Variants in FNDC3A observed in about 807,000 individuals in gnomAD.
FNDC3A encodes the protein fibronectin type III domain containing 3A, also known as fibronectin type-III domain-containing protein 3A.
A neutral mutation model predicts 148.9 loss-of-function variants in FNDC3A; 32 were observed. That is an observed-to-expected ratio of 0.21 (90% CI 0.16 to 0.29). The LOEUF is 0.29. Ranked by LOEUF, FNDC3A falls within the 10% of genes least tolerant of loss-of-function variation. The pLI is 1.00. For synonymous variants in FNDC3A, 472 were observed against 473.6 expected (o/e 1.00, Z 0.04); for missense variants, 1,191 against 1,452.8 (o/e 0.82, Z 2.93).
In FNDC3A at chr13:49,068,371, AAATT is replaced by A. The variant is rs147226026; in HGVS notation, c.100-6903_100-6900del. Among the ~76,000 whole-genome samples the A allele has an allele frequency of 8.8e-3, 1,332 of 152,114 alleles. 24 individuals carry two copies. Among genetic ancestry groups the A allele is most frequent in the African/African-American group, 0.031 (1,277 of 41,496 alleles). ...AGAGTGAGACCCGTCTATAAAAAAT[AAATT>A]AATTAATTAATTAAATTAAATAAAA... is the stretch of plus-strand genomic sequence containing the variant. On this transcript the variant is annotated intron_variant, in intron 2 of 25. Transcript: ENST00000492622.
chr13:49,065,663 A>G (rs1162392269), intron 2 of FNDC3A, among the ~76,000 whole-genome samples: 1 of 152,206 alleles, frequency 6.6e-6, no homozygotes, highest in African/African-American at 2.4e-5. Context: ...TTCTGTGTGC[A>G]TAATAAACTT....
At chr13:49,194,542 T>A (rs1363386747) in intron 19 of FNDC3A, among the ~76,000 whole-genome samples, 3 of 152,230 alleles carry the variant, frequency 2.0e-5, no homozygotes, top group Non-Finnish European at 4.4e-5. Context: ...CAGGTTTGTT[T>A]GTTTTTTTTC....
At chr13:49,070,881 C>CTTTTTTTTTTTT (rs758290861) in intron 2 of FNDC3A, among the ~76,000 whole-genome samples, 216 of 120,870 alleles carry the variant, frequency 1.8e-3, no homozygotes, top group East Asian at 2.3e-3. Flanking sequence ...AACAGGATTT[C>CTTTTTTTTTTTT]TTTTTTTTTT....
At chr13:49,127,106 TCCTGTCCAGA>T (rs1016855876) in intron 4 of FNDC3A, among the ~76,000 whole-genome samples, 1 of 152,176 alleles carries the variant, frequency 6.6e-6, no homozygotes, top group African/African-American at 2.4e-5. Context: ...ACTTTCCTGC[TCCTGTCCAGA>T]CCCGGTTCCC....
chr13:49,104,273 T>A (rs1184357162), intron 3 of FNDC3A, among the ~76,000 whole-genome samples: 1 of 152,124 alleles, frequency 6.6e-6, no homozygotes, highest in Non-Finnish European at 1.5e-5. Context: ...ATGCCTGTAA[T>A]CCCAGTACTT....
Position 49,105,030 on chromosome 13 carries a change from C to T in FNDC3A, c.176-9625C>T, listed in dbSNP as rs191549899. Among the ~76,000 whole-genome samples, 146 of 152,076 alleles carry T rather than the reference C, an allele frequency of 9.6e-4. 1 individual carries two copies. Among genetic ancestry groups the T allele is most frequent in the African/African-American group, 3.4e-3 (140 of 41,474 alleles). Reference sequence around the variant, plus strand: ...AAACTAGGAAGAGTATATTTGCAACCAATGTAACCGTAAGGAATTAGTATC... The same window carrying T: ...AAACTAGGAAGAGTATATTTGCAACTAATGTAACCGTAAGGAATTAGTATC... On this transcript the variant is annotated intron_variant, in intron 3 of 25. Transcript: ENST00000492622.
chr13:49,180,277 A>T (rs867503455), intron 14 of FNDC3A, among the ~76,000 whole-genome samples: 2 of 152,240 alleles, frequency 1.3e-5, no homozygotes, highest in South Asian at 4.1e-4. Flanking sequence ...CAAATAAATG[A>T]TAAAAGCCAC....
At chr13:49,078,659 A>G (rs940085498) in intron 3 of FNDC3A, among the ~76,000 whole-genome samples, 13 of 152,180 alleles carry the variant, frequency 8.5e-5, no homozygotes, top group African/African-American at 3.1e-4. Flanking sequence ...ACATGCCTTC[A>G]CTCTGAGCAA....
At chr13:49,146,072 T>G (rs1378038101) in intron 8 of FNDC3A, 137 bp downstream of exon 8, 1 of 613,006 alleles carries the variant, frequency 1.6e-6, no homozygotes, top group African/African-American at 1.9e-5. Context: ...GATAGTGATT[T>G]CAATGTAAAT....
chr13:49,015,859 AT>A (rs1365748524), intron 2 of FNDC3A, among the ~76,000 whole-genome samples: 1 of 151,764 alleles, frequency 6.6e-6, no homozygotes. Flanking sequence ...TATTGAGATA[AT>A]CATGTGGTTT....
chr13:48,989,234 A>G (rs1220298221), intron 1 of FNDC3A, among the ~76,000 whole-genome samples: 2 of 152,248 alleles, frequency 1.3e-5, no homozygotes, highest in Admixed American at 6.5e-5. Context: ...ATGTTATAAC[A>G]AATCTCCAGA....
At chr13:48,989,224 A>G (rs748585858) in intron 1 of FNDC3A, among the ~76,000 whole-genome samples, 2 of 152,244 alleles carry the variant, frequency 1.3e-5, no homozygotes, top group African/African-American at 4.8e-5. Context: ...CCTTAGCCAC[A>G]TGTTATAACA....
At chr13:49,003,771 AG>A (rs1030446841) in intron 1 of FNDC3A, among the ~76,000 whole-genome samples, 1 of 152,210 alleles carries the variant, frequency 6.6e-6, no homozygotes, top group African/African-American at 2.4e-5. Flanking sequence ...CCAAAAAAAA[AG>A]TTGCAAGAAT....
intron 3 of FNDC3A, among the ~76,000 whole-genome samples, chr13:49,088,170 T>C (rs1441420111): frequency 2.0e-5 from 3 of 152,184 alleles, no homozygotes; most frequent in African/African-American, 7.2e-5. Flanking sequence ...AAGGAAACAT[T>C]CAATTATAAT....
At chr13:48,998,987 C>G (rs984056254) in intron 1 of FNDC3A, among the ~76,000 whole-genome samples, 1 of 152,196 alleles carries the variant, frequency 6.6e-6, no homozygotes, top group Non-Finnish European at 1.5e-5. Context: ...AAAGGCAATT[C>G]AGAGGTCATC....
At chr13:49,067,296 A>T (rs1245475547) in intron 2 of FNDC3A, among the ~76,000 whole-genome samples, 1 of 152,236 alleles carries the variant, frequency 6.6e-6, no homozygotes, top group African/African-American at 2.4e-5. Context: ...ATCAACTAAT[A>T]ACATTAGAGC....
chr13:49,203,124 G>A (rs368155670), intron 24 of FNDC3A, 33 bp from the exon 25 acceptor site: 1 of 1,438,718 alleles, frequency 7.0e-7, no homozygotes, highest in Non-Finnish European at 9.5e-7. Context: ...AAAATCAAGT[G>A]GAACAGATAT....
intron 11 of FNDC3A, among the ~76,000 whole-genome samples, chr13:49,172,997 T>A (rs1486894075): frequency 6.6e-6 from 1 of 152,226 alleles, no homozygotes; most frequent in Non-Finnish European, 1.5e-5. Context: ...ACATTAACAC[T>A]AACAATAGCT....
chr13:49,152,045 A>G (rs549944369), intron 8 of FNDC3A, among the ~76,000 whole-genome samples: 1 of 152,310 alleles, frequency 6.6e-6, no homozygotes, highest in South Asian at 2.1e-4. Context: ...ACATGTGTGC[A>G]TGTGTCTTTA....
Sources: allele counts gnomAD v4.1 joint callset (sites outside exome capture counted in the v4.1 genomes callset), GRCh38; gene constraint gnomAD v4.1.1; transcripts MANE v1.5; gene names NCBI Gene and HGNC (gene_info 2026-07-23, HGNC 2026-07-21).